HDAC9: variants seen among roughly 807,000 people sequenced by gnomAD.
HDAC9 encodes the protein histone deacetylase 9, also known as MEF-2 interacting transcription repressor (MITR) protein.
HDAC9 carries 41 observed loss-of-function variants against 139.4 expected under a neutral mutation model. The ratio of observed to expected loss-of-function variants is 0.29; its 90% CI spans 0.23 to 0.38. The LOEUF is 0.38. HDAC9 is among the 10% of genes least tolerant of loss of function. The probability of loss-of-function intolerance (pLI) is 1.00; values close to 1 mark genes in which losing one functional copy is unlikely to be tolerated. For synonymous variants in HDAC9, 517 were observed against 476.2 expected, an observed-to-expected ratio of 1.09 and a Z score of -1.12; for missense variants, 1,147 against 1,297.0, an observed-to-expected ratio of 0.88 and a Z score of 1.78.
At chr7:18,714,361 C>T (rs1784554841) in intron 12 of HDAC9, among the ~76,000 whole-genome samples, 1 of 152,216 alleles carries the variant, frequency 6.6e-6, no homozygotes, top group African/African-American at 2.4e-5. Context: ...GGCCCAAACT[C>T]CTGGAATCTA....
intron 1 of HDAC9, among the ~76,000 whole-genome samples, chr7:18,138,527 G>GTGTGT (rs373098473): frequency 2.8e-5 from 4 of 142,586 alleles, no homozygotes; most frequent in Admixed American, 7.1e-5. Context: ...GAGAGAGAGA[G>GTGTGT]GTGTGTGTGT....
At chr7:18,114,092 T>C (rs888696514) in intron 1 of HDAC9, among the ~76,000 whole-genome samples, 1 of 152,220 alleles carries the variant, frequency 6.6e-6, no homozygotes, top group Non-Finnish European at 1.5e-5. Context: ...TTCAGAGTTA[T>C]AACACTGTTG....
At chr7:18,321,108 T>G (rs759900278) in intron 1 of HDAC9, among the ~76,000 whole-genome samples, 10 of 152,222 alleles carry the variant, frequency 6.6e-5, no homozygotes, top group Non-Finnish European at 1.2e-4. Flanking sequence ...GACTCTAACA[T>G]ATGTAAGGCA....
chr7:18,857,359 G>GTGTGTGTGTGTGTGTGTGTGTGTA (rs1797767338), intron 21 of HDAC9, among the ~76,000 whole-genome samples: 1 of 151,562 alleles, frequency 6.6e-6, no homozygotes, highest in Non-Finnish European at 1.5e-5. Context: ...GTGTGTGTGT[G>GTGTGTGTGTGTGTGTGTGTGTGTA]TGTGTATGTA....
chr7:18,679,710 T>A (rs1003676499), intron 12 of HDAC9, among the ~76,000 whole-genome samples: 1 of 151,984 alleles, frequency 6.6e-6, no homozygotes, highest in South Asian at 2.1e-4. Context: ...AGAAATAATA[T>A]GTCTTATGAA....
intron 25 of HDAC9, among the ~76,000 whole-genome samples, chr7:18,980,023 G>T (rs1784797057): frequency 6.6e-6 from 1 of 152,168 alleles, no homozygotes; most frequent in Non-Finnish European, 1.5e-5. Context: ...TTTTCATCCA[G>T]TGTCAACAAA....
chr7:18,988,354 T>G (rs1462742720), intron 25 of HDAC9, among the ~76,000 whole-genome samples: 4 of 152,116 alleles, frequency 2.6e-5, no homozygotes, highest in African/African-American at 7.2e-5. Context: ...TTGTTCAGTT[T>G]CCATGTAGTT....
intron 1 of HDAC9, among the ~76,000 whole-genome samples, chr7:18,338,459 T>A (rs683693): frequency 0.18 from 27,516 of 151,612 alleles, 2,624 homozygotes; most frequent in East Asian, 0.26. Context: ...GCAGTATTAC[T>A]GAGTGAATAT....
At chr7:18,769,551 T>C (rs1382627918) in intron 16 of HDAC9, among the ~76,000 whole-genome samples, 1 of 121,234 alleles carries the variant, frequency 8.2e-6, no homozygotes, top group Non-Finnish European at 2.0e-5. Flanking sequence ...AGGGTGGGTG[T>C]GAATGTGTGT....
chr7:18,907,079 A>C (rs1369184818), intron 22 of HDAC9: 1 of 152,248 alleles, frequency 6.6e-6, no homozygotes, highest in South Asian at 2.1e-4. Context: ...ATCCAAAAGC[A>C]TAGAAACCAC....
intron 14 of HDAC9, among the ~76,000 whole-genome samples, chr7:18,760,723 C>T (rs955379697): frequency 6.6e-6 from 1 of 152,192 alleles, no homozygotes; most frequent in Non-Finnish European, 1.5e-5. Context: ...CCTGTTACCC[C>T]TGCAGACCCC....
At chr7:18,354,750 T>C (rs1783121013) in intron 1 of HDAC9, among the ~76,000 whole-genome samples, 1 of 152,184 alleles carries the variant, frequency 6.6e-6, no homozygotes, top group South Asian at 2.1e-4. Context: ...AAACCTGACC[T>C]CTGTGAAAAA....
chr7:18,775,838 T>C lies in HDAC9; in HGVS notation c.2214+8683T>C, dbSNP rs143006128. Among the ~76,000 whole-genome samples the C allele has an allele frequency of 5.5e-3, 843 of 152,200 alleles. 8 individuals are homozygous for C. The highest frequency in any genetic ancestry group is 5.8e-3 in the Non-Finnish European group (394 of 67,960). ...GGACAGAAGATAGTCAGAATATCCA[T>C]ACTCAGTTGAACCAGATTCAAATTC... On this transcript the variant is annotated intron_variant, in intron 16 of 25. Coordinates refer to ENST00000686413, the MANE Select transcript of HDAC9 (RefSeq NM_178425.4).
chr7:18,844,075 T>C (rs899945891), intron 21 of HDAC9, among the ~76,000 whole-genome samples: 2 of 152,202 alleles, frequency 1.3e-5, no homozygotes, highest in East Asian at 3.8e-4. Flanking sequence ...TGGTGTCATA[T>C]AGATGGAACT....
chr7:18,905,036 C>A (rs1802096378), intron 22 of HDAC9, among the ~76,000 whole-genome samples: 1 of 152,058 alleles, frequency 6.6e-6, no homozygotes, highest in Non-Finnish European at 1.5e-5. Context: ...GTAGCTGGGC[C>A]TACGGTCATG....
At chr7:18,086,997 T>C (rs1360475364) in exon 1 of HDAC9, 1 of 150,580 alleles carries the variant, frequency 6.6e-6, no homozygotes, top group Non-Finnish European at 1.5e-5. Context: ...CTCGCCGCTT[T>C]CGCCGCGGTC....
chr7:18,161,993 T>C (rs1317740439), intron 1 of HDAC9, among the ~76,000 whole-genome samples: 2 of 152,184 alleles, frequency 1.3e-5, no homozygotes, highest in East Asian at 3.8e-4. Context: ...ACTGATTCCT[T>C]CTATACCTAT....
chr7:18,720,044 C>T (rs1785026139), intron 12 of HDAC9, among the ~76,000 whole-genome samples: 2 of 152,054 alleles, frequency 1.3e-5, no homozygotes, highest in African/African-American at 2.4e-5. Flanking sequence ...AATTACTGTA[C>T]CTGTATAGTA....
intron 23 of HDAC9, among the ~76,000 whole-genome samples, chr7:18,951,238 G>A (rs1017233063): frequency 2.4e-4 from 36 of 151,960 alleles, no homozygotes; most frequent in African/African-American, 8.7e-4. Context: ...GCAGTACTTA[G>A]AATGTATATG....
Sources: allele counts gnomAD v4.1 joint callset (sites outside exome capture counted in the v4.1 genomes callset), GRCh38; gene constraint gnomAD v4.1.1; transcripts MANE v1.5; gene names NCBI Gene and HGNC (gene_info 2026-07-23, HGNC 2026-07-21).